Variants in ADGRV1 observed in about 807,000 individuals in gnomAD.
ADGRV1 encodes G-protein coupled receptor 98.
Under a neutral mutation model 596.2 loss-of-function variants are expected in ADGRV1, and 359 were observed. The observed-to-expected ratio is 0.60, with a 90% CI of 0.55 to 0.66. ADGRV1 has a LOEUF of 0.66. ADGRV1 is among the 30% of genes least tolerant of loss of function. The pLI is 0.00. For synonymous variants in ADGRV1, 2,681 were observed against 2,679.2 expected, an observed-to-expected ratio of 1.00 and a Z score of -0.02; for missense variants, 7,274 against 7,575.6, an observed-to-expected ratio of 0.96 and a Z score of 1.48.
In ADGRV1 at chr5:90,727,627, A is replaced by C. The variant is rs1751975947; in HGVS notation, c.10162-1042A>C. Among the ~76,000 whole-genome samples the C allele has an allele frequency of 2.0e-5, 3 of 152,206 alleles. No homozygotes were observed. In the South Asian group the frequency reaches 6.2e-4, roughly 32 times the overall value. On this transcript the variant is annotated intron_variant, in intron 48 of 89. Transcript: ENST00000405460. ...ATTTAATATGGGCTTAACATAGGATAGCTATATTTCCTGATTTGCCTTGGA... is the reference window on the plus strand; with the variant it reads ...ATTTAATATGGGCTTAACATAGGATCGCTATATTTCCTGATTTGCCTTGGA...
chr5:90,681,305 G>C lies in ADGRV1; in HGVS notation c.5525-10G>C, dbSNP rs756999696. Reference sequence around the variant, plus strand: ...TTTTTTTTTCTATTTGTTGGAACTTGTTCATGCAGCCAGTCTAGGAGTGGC... The same window carrying C: ...TTTTTTTTTCTATTTGTTGGAACTTCTTCATGCAGCCAGTCTAGGAGTGGC... On this transcript the variant is annotated splice_polypyrimidine_tract_variant and intron_variant, in intron 26 of 89. Transcript: ENST00000405460. The C allele has an allele frequency of 5.0e-6, 8 of 1,608,674 alleles. No homozygotes were observed. In the African/African-American group the frequency reaches 1.1e-4, roughly 22 times the overall value.
intron 75 of ADGRV1, among the ~76,000 whole-genome samples, chr5:90,822,803 A>G (rs902505548): frequency 4.0e-4 from 61 of 152,008 alleles, no homozygotes; most frequent in Admixed American, 1.3e-3. Flanking sequence ...CTTTTATTTC[A>G]TTGAGCAGTG....
intron 87 of ADGRV1, among the ~76,000 whole-genome samples, chr5:91,118,156 G>A (rs1198309004): frequency 6.6e-6 from 1 of 152,102 alleles, no homozygotes; most frequent in Non-Finnish European, 1.5e-5. Context: ...AGAGGCAAAG[G>A]AAGTCTCTTC....
At chr5:90,805,952 T>C (rs950925263) in intron 72 of ADGRV1, among the ~76,000 whole-genome samples, 1 of 152,120 alleles carries the variant, frequency 6.6e-6, no homozygotes, top group African/African-American at 2.4e-5. Flanking sequence ...ATTGCAAATT[T>C]AGATAATGAG....
At chr5:90,949,812 A>C (rs890563182) in intron 83 of ADGRV1, among the ~76,000 whole-genome samples, 1 of 152,198 alleles carries the variant, frequency 6.6e-6, no homozygotes, top group African/African-American at 2.4e-5. Context: ...GGTATATTAC[A>C]TTTCATCCAG....
At chr5:90,645,428 G>A (rs560684054) in intron 15 of ADGRV1, among the ~76,000 whole-genome samples, 12 of 152,200 alleles carry the variant, frequency 7.9e-5, no homozygotes, top group African/African-American at 2.6e-4. Context: ...CAGGGATGAC[G>A]TGAAAAAGAA....
At chr5:91,087,159 G>A (rs1008142116) in intron 86 of ADGRV1, among the ~76,000 whole-genome samples, 3 of 152,054 alleles carry the variant, frequency 2.0e-5, no homozygotes, top group Admixed American at 1.3e-4. Context: ...TCATCAATAG[G>A]AAGAACCTCT....
chr5:90,688,838 G>A (rs1197676565), intron 29 of ADGRV1, among the ~76,000 whole-genome samples: 10 of 152,194 alleles, frequency 6.6e-5, no homozygotes, highest in Admixed American at 6.5e-4. Flanking sequence ...AAAATGGGCA[G>A]CTACATGCTT....
intron 38 of ADGRV1, among the ~76,000 whole-genome samples, chr5:90,707,906 C>T (rs764033254): frequency 6.6e-6 from 1 of 151,748 alleles, no homozygotes; most frequent in Non-Finnish European, 1.5e-5. Flanking sequence ...GGAAGTATTG[C>T]GTGGGGGGTG....
At chr5:90,589,990 A>T (rs552990906) in intron 1 of ADGRV1, among the ~76,000 whole-genome samples, 23 of 152,226 alleles carry the variant, frequency 1.5e-4, no homozygotes, top group African/African-American at 5.5e-4. Flanking sequence ...TTCTATTTTA[A>T]TGTAAAATAT....
At chr5:90,788,036 A>T (rs528325847) in intron 67 of ADGRV1, 35 bp from the exon 68 acceptor site, 2 of 1,531,940 alleles carry the variant, frequency 1.3e-6, no homozygotes, top group Admixed American at 4.1e-5. Context: ...ATTGATCTCT[A>T]TTAAAGAAAT....
intron 11 of ADGRV1, chr5:90,640,882 A>G (rs1008307519): frequency 4.6e-5 from 7 of 152,550 alleles, no homozygotes; most frequent in African/African-American, 1.7e-4. Flanking sequence ...AGTGTACAAA[A>G]TAATACCTTG....
chr5:91,041,291 G>T (rs920617649), intron 85 of ADGRV1, among the ~76,000 whole-genome samples: 3 of 152,156 alleles, frequency 2.0e-5, no homozygotes, highest in Non-Finnish European at 2.9e-5. Context: ...ATACACCATG[G>T]AATACTATGC....
chr5:90,687,019 A>G (rs1433984031), intron 29 of ADGRV1, among the ~76,000 whole-genome samples: 1 of 152,058 alleles, frequency 6.6e-6, no homozygotes, highest in Non-Finnish European at 1.5e-5. Flanking sequence ...TCTTCTTTTG[A>G]GAAGTGTCTG....
At position 90,670,587 on chromosome 5, in the gene ADGRV1, T is replaced by A. The variant is rs77392890; in HGVS notation, c.4753-1959T>A. 2.3e-3 allele frequency among the ~76,000 whole-genome samples: 351 copies of A among 152,174 alleles called. 4 individuals carry two copies. The highest frequency in any genetic ancestry group is 0.016 in the East Asian group (84 of 5,180). On this transcript the variant is annotated intron_variant, in intron 21 of 89. Coordinates refer to ENST00000405460, the MANE Select transcript of ADGRV1 (RefSeq NM_032119.4). ...GAAATCAGAGTGAGGCTCTGTTGCA[T>A]ATCGGCCAGACTCTCCTTTGTCACC...
At chr5:90,751,895 T>A (rs1289029313) in intron 53 of ADGRV1, among the ~76,000 whole-genome samples, 6 of 152,232 alleles carry the variant, frequency 3.9e-5, no homozygotes, top group Non-Finnish European at 8.8e-5. Flanking sequence ...TCAGGTTCTA[T>A]ATGTTCTGAT....
At chr5:90,958,580 G>A (rs2150939333) in intron 83 of ADGRV1, among the ~76,000 whole-genome samples, 1 of 152,264 alleles carries the variant, frequency 6.6e-6, no homozygotes, top group Admixed American at 6.5e-5. Context: ...TAGAGTCTGA[G>A]TTGAAGGTGT....
intron 83 of ADGRV1, among the ~76,000 whole-genome samples, chr5:90,873,346 A>C (rs10059629): frequency 0.11 from 16,356 of 152,188 alleles, 896 homozygotes; most frequent in East Asian, 0.17. Flanking sequence ...TGTAAGGGCG[A>C]ATGTTATTGC....
In ADGRV1 at chr5:90,753,656, T is replaced by C; in HGVS notation, c.11204T>C (p.Val3735Ala). 6.2e-7 allele frequency: 1 copy of C among 1,613,698 alleles called. No individual in the cohort carries two copies. The highest frequency in any genetic ancestry group is 8.5e-7 in the Non-Finnish European group (1 of 1,179,668). Residue 3735 changes from valine (V) to alanine (A), a missense_variant, in exon 54 of 90, where the codon GTG becomes GCG. Coordinates refer to ENST00000405460, the MANE Select transcript of ADGRV1 (RefSeq NM_032119.4). ...AATATACCAGAGTTATCAGAGGTTGTGATTGTAACCCTCACCCGTATCACC... is the reference window on the plus strand; with the variant it reads ...AATATACCAGAGTTATCAGAGGTTGCGATTGTAACCCTCACCCGTATCACC... ...ADNIPELSEVVIVTLTRITTE... is the reference protein window; with the variant it reads ...ADNIPELSEVAIVTLTRITTE...
Sources: gnomAD v4.1 joint callset for allele counts (sites outside exome capture counted in the v4.1 genomes callset) on GRCh38, gnomAD v4.1.1 for gene constraint, MANE v1.5 for transcripts, NCBI Gene and HGNC (gene_info 2026-07-23, HGNC 2026-07-21) for gene names.